RGS21: variants seen among roughly 807,000 people sequenced by gnomAD.
RGS21 encodes regulator of G-protein signalling 21.
Under a neutral mutation model 18.7 loss-of-function variants are expected in RGS21, and 19 were observed. The ratio of observed to expected loss-of-function variants is 1.01; its 90% CI spans 0.71 to 1.49. RGS21 has a LOEUF of 1.49. Ranked by LOEUF, RGS21 falls within the 40% of genes most tolerant of loss-of-function variation. The pLI is 0.00. For synonymous variants in RGS21, 56 were observed against 57.8 expected (o/e 0.97, Z 0.14); for missense variants, 194 against 176.8 (o/e 1.10, Z -0.55).
chr1:192,322,081 A>C (rs1270558909), intron 1 of RGS21, among the ~76,000 whole-genome samples: 2 of 152,126 alleles, frequency 1.3e-5, no homozygotes, highest in Non-Finnish European at 2.9e-5. Context: ...TGCCCCTTGC[A>C]GGGGACTGCA....
Position 192,365,993 on chromosome 1 carries a change from G to A in RGS21, c.328G>A (p.Glu110Lys), listed in dbSNP as rs370635184. 1 of 1,609,792 alleles carries A rather than the reference G, an allele frequency of 6.2e-7. No homozygotes were observed. Among genetic ancestry groups the A allele is most frequent in the Non-Finnish European group, 8.5e-7 (1 of 1,176,646 alleles). The change falls in exon 5 of 5, where the codon GAG becomes AAG. Residue 110 changes from glutamate to lysine, a missense_variant. Glu to Lys is a moderately conservative substitution (Grantham distance 56, BLOSUM62 1). Transcript: ENST00000417209. Reference protein sequence around the residue: ...IAEPTLKCFDEAQKLIYCLMA... With the variant: ...IAEPTLKCFDKAQKLIYCLMA... ...TGAACCAACACTCAAATGCTTTGAT[G>A]AGGCTCAGAAATTAATCTATTGTCT...
At chr1:192,354,938 T>C (rs1659091274) in intron 4 of RGS21, among the ~76,000 whole-genome samples, 1 of 151,760 alleles carries the variant, frequency 6.6e-6, no homozygotes, top group Admixed American at 6.6e-5. Flanking sequence ...TAAATTGACA[T>C]TACTAATGGG....
At chr1:192,340,282 A>G (rs890663866) in intron 1 of RGS21, among the ~76,000 whole-genome samples, 6 of 152,176 alleles carry the variant, frequency 3.9e-5, no homozygotes, top group South Asian at 2.1e-4. Flanking sequence ...AAAGGAAACA[A>G]AATAAATAAG....
chr1:192,342,988 G>A lies in RGS21; in HGVS notation c.-49G>A, dbSNP rs372729686. ...CACATTACCTTCAGCTTGAAGATCA[G>A]TCAGAAAGAGAAACTCGGCATCATC... On this transcript the variant is annotated 5_prime_UTR_variant, in exon 2 of 5. Transcript: ENST00000417209. 7 of 1,603,014 alleles carry A rather than the reference G, an allele frequency of 4.4e-6. 1 individual carries two copies. In the African/African-American group the frequency reaches 9.4e-5, roughly 21 times the overall value.
At chr1:192,341,168 T>C (rs1463411831) in intron 1 of RGS21, among the ~76,000 whole-genome samples, 1 of 152,058 alleles carries the variant, frequency 6.6e-6, no homozygotes, top group Non-Finnish European at 1.5e-5. Flanking sequence ...GTTTTCATCC[T>C]GAAATATCCT....
intron 2 of RGS21, among the ~76,000 whole-genome samples, chr1:192,345,261 A>G (rs1239880668): frequency 6.6e-6 from 1 of 152,092 alleles, no homozygotes; most frequent in East Asian, 1.9e-4. Context: ...CCAACCTCAC[A>G]TACCTCAGAG....
chr1:192,358,105 G>A (rs994939752), intron 4 of RGS21, among the ~76,000 whole-genome samples: 2 of 151,884 alleles, frequency 1.3e-5, no homozygotes, highest in Admixed American at 6.6e-5. Context: ...TTAGCCATCC[G>A]TACACGTTAT....
chr1:192,334,205 G>A (rs570553862), intron 1 of RGS21, among the ~76,000 whole-genome samples: 25 of 152,212 alleles, frequency 1.6e-4, no homozygotes, highest in African/African-American at 5.8e-4. Flanking sequence ...AGAGACCTGA[G>A]CTTCAATTCC....
intron 1 of RGS21, among the ~76,000 whole-genome samples, chr1:192,335,124 G>T (rs1571453006): frequency 6.6e-6 from 1 of 152,212 alleles, no homozygotes; most frequent in Admixed American, 6.5e-5. Context: ...GATGAAGCTT[G>T]CTACTTTTAT....
chr1:192,363,743 CT>C (rs1022833947), intron 4 of RGS21, among the ~76,000 whole-genome samples: 17 of 152,062 alleles, frequency 1.1e-4, no homozygotes. Flanking sequence ...ACAAAAATTC[CT>C]TGCTTACACC....
intron 3 of RGS21, among the ~76,000 whole-genome samples, chr1:192,351,280 T>C (rs1029510824): frequency 6.6e-6 from 1 of 152,166 alleles, no homozygotes; most frequent in Non-Finnish European, 1.5e-5. Context: ...GGAGAAGCAT[T>C]CACATCAAAT....
At chr1:192,326,090 C>T (rs1203007787) in intron 1 of RGS21, among the ~76,000 whole-genome samples, 3 of 151,920 alleles carry the variant, frequency 2.0e-5, no homozygotes, top group Admixed American at 6.6e-5. Context: ...GCAAATATTA[C>T]AACTTAAATA....
At position 192,334,479 on chromosome 1, in the gene RGS21, A is replaced by G. The variant is rs184689179; in HGVS notation, c.-60-8498A>G. 2.2e-4 allele frequency among the ~76,000 whole-genome samples: 33 copies of G among 152,292 alleles called. No homozygotes were observed. In the East Asian group the frequency reaches 6.2e-3, roughly 28 times the overall value. ...TAGATCTTTTCATAGGACAATGAGT[A>G]CAATATACTTTTAAAGTTATATCAT... On this transcript the variant is annotated intron_variant, in intron 1 of 4. Coordinates refer to ENST00000417209, the MANE Select transcript of RGS21 (RefSeq NM_001039152.3).
At chr1:192,364,125 A>G (rs1306613400) in intron 4 of RGS21, among the ~76,000 whole-genome samples, 1 of 152,162 alleles carries the variant, frequency 6.6e-6, no homozygotes, top group Admixed American at 6.6e-5. Context: ...CAAAGCTGTA[A>G]GTGTTAGAGG....
At chr1:192,317,660 C>T (rs1222198755) in intron 1 of RGS21, among the ~76,000 whole-genome samples, 1 of 151,824 alleles carries the variant, frequency 6.6e-6, no homozygotes, top group Non-Finnish European at 1.5e-5. Context: ...TATGTCTTTA[C>T]TTATATATGG....
At chr1:192,332,029 G>A (rs879392194) in intron 1 of RGS21, among the ~76,000 whole-genome samples, 1 of 151,960 alleles carries the variant, frequency 6.6e-6, no homozygotes, top group Non-Finnish European at 1.5e-5. Flanking sequence ...GCTTACCATG[G>A]TAAAAATTAC....
intron 3 of RGS21, among the ~76,000 whole-genome samples, chr1:192,348,773 T>C (rs975717518): frequency 1.3e-5 from 2 of 151,502 alleles, no homozygotes; most frequent in Non-Finnish European, 2.9e-5. Flanking sequence ...GTTTATAATA[T>C]TATTTGTATA....
intron 4 of RGS21, among the ~76,000 whole-genome samples, chr1:192,355,098 G>A (rs1162399873): frequency 2.6e-5 from 4 of 151,620 alleles, no homozygotes; most frequent in African/African-American, 7.2e-5. Flanking sequence ...GTATGATGTA[G>A]CAGAAAAACT....
intron 1 of RGS21, among the ~76,000 whole-genome samples, chr1:192,329,459 T>A (rs1571450238): frequency 6.6e-6 from 1 of 152,092 alleles, no homozygotes; most frequent in Admixed American, 6.6e-5. Context: ...TTGAAAAGAA[T>A]ATGCAAGTGT....
Sources: allele counts gnomAD v4.1 joint callset (sites outside exome capture counted in the v4.1 genomes callset), GRCh38; gene constraint gnomAD v4.1.1; transcripts MANE v1.5; gene names NCBI Gene and HGNC (gene_info 2026-07-23, HGNC 2026-07-21).